Variants in NRXN3 observed in about 807,000 individuals in gnomAD.
The protein encoded by NRXN3 is neurexin 3, also known as neurexin III.
A neutral mutation model predicts 137.6 loss-of-function variants in NRXN3; 32 were observed. The ratio of observed to expected loss-of-function variants is 0.23; its 90% confidence interval spans 0.18 to 0.31. The LOEUF (loss-of-function observed/expected upper bound fraction) is 0.31. NRXN3 is among the 10% of genes least tolerant of loss of function. NRXN3 has a pLI of 1.00. For missense variants in NRXN3, 1,574 were observed against 2,062.5 expected (o/e 0.76, Z 4.59); for synonymous variants, 798 against 784.5 (o/e 1.02, Z -0.29).
chr14:79,443,130 A>C lies in NRXN3; in HGVS notation c.3263-24091A>C, dbSNP rs192154132. ...TCTATACAGCTACAGTAAGTAATGT[A>C]AAATCATTTACAATATAGGTGTTAG... On this transcript the variant is annotated intron_variant, in intron 15 of 20. Transcript: ENST00000335750. Among the ~76,000 whole-genome samples the C allele has an allele frequency of 1.1e-3, 175 of 152,372 alleles. 2 individuals are homozygous for C. Among genetic ancestry groups the C allele is most frequent in the South Asian group, 1.9e-3 (9 of 4,830 alleles).
chr14:79,275,328 G>C (rs1226730157), intron 15 of NRXN3, among the ~76,000 whole-genome samples: 1 of 151,388 alleles, frequency 6.6e-6, no homozygotes, highest in Admixed American at 6.6e-5. Context: ...GAAAAAAAAA[G>C]GGTCTTCACC....
intron 15 of NRXN3, among the ~76,000 whole-genome samples, chr14:79,174,230 C>A (rs903035179): frequency 4.0e-5 from 6 of 151,770 alleles, no homozygotes; most frequent in African/African-American, 1.5e-4. Context: ...GGAAAACAAC[C>A]CAATAGAAAA....
At chr14:78,985,558 CAGTT>C (rs2099501223) in intron 14 of NRXN3, among the ~76,000 whole-genome samples, 1 of 152,064 alleles carries the variant, frequency 6.6e-6, no homozygotes, top group Non-Finnish European at 1.5e-5. Context: ...TAAAATTTGG[CAGTT>C]AGAGGGAAGG....
intron 19 of NRXN3, among the ~76,000 whole-genome samples, chr14:79,702,889 G>GTCTTTTACCACTGAAGTGTAT (rs138402143): frequency 6.6e-6 from 1 of 150,586 alleles, no homozygotes; most frequent in South Asian, 2.1e-4. Context: ...TGAGAAACAA[G>GTCTTTTACCACTGAAGTGTAT]TCTTTTACCT....
At chr14:79,187,086 G>A (rs76792906) in intron 15 of NRXN3, among the ~76,000 whole-genome samples, 2,677 of 152,212 alleles carry the variant, frequency 0.018, 73 homozygotes, top group African/African-American at 0.061. Context: ...CATGGGCTTC[G>A]TTCACCTAGA....
chr14:78,630,555 C>T (rs891322051), intron 4 of NRXN3, among the ~76,000 whole-genome samples: 1 of 151,336 alleles, frequency 6.6e-6, no homozygotes, highest in Non-Finnish European at 1.5e-5. Context: ...TTAGCTTTTA[C>T]TACAAATGTA....
chr14:78,834,112 G>A (rs1209297018), intron 10 of NRXN3, among the ~76,000 whole-genome samples: 2 of 152,264 alleles, frequency 1.3e-5, no homozygotes, highest in Non-Finnish European at 2.9e-5. Flanking sequence ...ACAAGGGAGG[G>A]GTGGTGGTGG....
chr14:79,565,318 T>C lies in NRXN3; in HGVS notation c.3444+97916T>C, dbSNP rs188658398. ...ATGTGTATATACATATACACACACATGTGTGTGTATATATATATACATATG... is the reference window on the plus strand; with the variant it reads ...ATGTGTATATACATATACACACACACGTGTGTGTATATATATATACATATG... On this transcript the variant is annotated intron_variant, in intron 16 of 20. Transcript: ENST00000335750. 1.4e-4 allele frequency among the ~76,000 whole-genome samples: 20 copies of C among 143,610 alleles called. No homozygotes were observed. The East Asian group carries it at 2.5e-3, about 18-fold the overall frequency. The allele number at this position is 143,610 out of a possible 152,430, so 94.2% of individuals were successfully genotyped here. A position where few individuals can be genotyped will look rare whatever the true frequency, so the allele number is the denominator to read the frequency against.
chr14:78,187,766 A>G (rs554022986), intron 1 of NRXN3, among the ~76,000 whole-genome samples: 13 of 144,302 alleles, frequency 9.0e-5, no homozygotes, highest in Non-Finnish European at 2.0e-4. Context: ...TAACTGAACT[A>G]TTAGGATTTT....
At chr14:79,101,164 C>G (rs994277701) in intron 15 of NRXN3, among the ~76,000 whole-genome samples, 4 of 152,102 alleles carry the variant, frequency 2.6e-5, no homozygotes, top group Non-Finnish European at 5.9e-5. Context: ...AACAGCCTAG[C>G]CAGGAGCCAT....
chr14:79,812,117 A>G (rs2099236213), intron 20 of NRXN3, among the ~76,000 whole-genome samples: 1 of 152,148 alleles, frequency 6.6e-6, no homozygotes, highest in African/African-American at 2.4e-5. Flanking sequence ...TAACAAATAT[A>G]TTTAATAATA....
intron 15 of NRXN3, among the ~76,000 whole-genome samples, chr14:79,206,912 A>G (rs1221742448): frequency 6.6e-6 from 1 of 152,282 alleles, no homozygotes; most frequent in Admixed American, 6.5e-5. Context: ...TATGATATTC[A>G]TTCACATGTT....
At chr14:79,047,844 G>A (rs2099635255) in intron 15 of NRXN3, among the ~76,000 whole-genome samples, 1 of 152,090 alleles carries the variant, frequency 6.6e-6, no homozygotes, top group Non-Finnish European at 1.5e-5. Flanking sequence ...AATGTAAGAT[G>A]ATAAAACCAC....
chr14:79,515,807 A>T lies in NRXN3; in HGVS notation c.3444+48405A>T, dbSNP rs577322098. 1.0e-3 allele frequency among the ~76,000 whole-genome samples: 152 copies of T among 152,178 alleles called. 1 individual carries two copies. Among genetic ancestry groups the T allele is most frequent in the Non-Finnish European group, 1.8e-3 (123 of 68,036 alleles). On this transcript the variant is annotated intron_variant, in intron 16 of 20. Coordinates refer to ENST00000335750, the MANE Select transcript of NRXN3 (RefSeq NM_001330195.2). ...TAAGTGAGCAATTCTGCATTGATTC[A>T]TTGGGGAAAACTATGGCAGGAAGTG... is the stretch of plus-strand genomic sequence containing the variant.
intron 8 of NRXN3, among the ~76,000 whole-genome samples, chr14:78,801,247 G>A (rs373110691): frequency 2.2e-4 from 34 of 152,284 alleles, no homozygotes; most frequent in African/African-American, 7.9e-4. Context: ...CATGAACCTG[G>A]GAGGCGGAGC....
chr14:78,979,623 T>C (rs1350465011), intron 14 of NRXN3, among the ~76,000 whole-genome samples: 1 of 152,204 alleles, frequency 6.6e-6, no homozygotes, highest in Non-Finnish European at 1.5e-5. Context: ...CTTTAGACAG[T>C]TCATGGCATG....
chr14:78,238,141 C>A (rs377249628), intron 1 of NRXN3, among the ~76,000 whole-genome samples: 3 of 150,002 alleles, frequency 2.0e-5, no homozygotes, highest in Non-Finnish European at 3.0e-5. Context: ...TTGTGTGAGC[C>A]CCCCCCACCA....
chr14:78,518,423 G>A (rs2096242327), intron 4 of NRXN3, among the ~76,000 whole-genome samples: 1 of 152,114 alleles, frequency 6.6e-6, no homozygotes, highest in Non-Finnish European at 1.5e-5. Context: ...AGGAGCTAGA[G>A]GTGATCAGAA....
intron 4 of NRXN3, among the ~76,000 whole-genome samples, chr14:78,465,618 A>G (rs1048420530): frequency 1.3e-5 from 2 of 151,900 alleles, no homozygotes; most frequent in African/African-American, 4.8e-5. Flanking sequence ...GCTCGCTGCA[A>G]CCTCTGCCTC....
Sources: gnomAD v4.1 joint callset for allele counts (sites outside exome capture counted in the v4.1 genomes callset) on GRCh38, gnomAD v4.1.1 for gene constraint, MANE v1.5 for transcripts, NCBI Gene and HGNC (gene_info 2026-07-23, HGNC 2026-07-21) for gene names.